Variants in NHLRC2 observed in about 807,000 individuals in gnomAD.
The protein encoded by NHLRC2 is NHL repeat-containing protein 2.
NHLRC2 carries 33 observed loss-of-function variants against 68.1 expected under a neutral mutation model. The ratio of observed to expected loss-of-function variants is 0.48; its 90% CI spans 0.37 to 0.65. The LOEUF is 0.65. Ranked by LOEUF, NHLRC2 falls within the 30% of genes least tolerant of loss-of-function variation. The pLI is 0.00. For missense variants in NHLRC2, 761 were observed against 853.8 expected, an observed-to-expected ratio of 0.89 and a Z score of 1.35; for synonymous variants, 311 against 309.6, an observed-to-expected ratio of 1.00 and a Z score of -0.05.
chr10:113,879,099 A>G (rs1846013056), intron 3 of NHLRC2, among the ~76,000 whole-genome samples: 1 of 152,200 alleles, frequency 6.6e-6, no homozygotes, highest in South Asian at 2.1e-4. Flanking sequence ...AATAGTAGAT[A>G]AGAAGGATTC....
chr10:113,888,473 A>G (rs1180951877), intron 5 of NHLRC2, among the ~76,000 whole-genome samples: 2 of 152,218 alleles, frequency 1.3e-5, no homozygotes, highest in African/African-American at 4.8e-5. Flanking sequence ...GATGTAGGAA[A>G]GGGACTAGAA....
intron 2 of NHLRC2, among the ~76,000 whole-genome samples, chr10:113,873,216 C>T (rs1242491988): frequency 1.3e-5 from 2 of 152,116 alleles, no homozygotes; most frequent in Non-Finnish European, 2.9e-5. Flanking sequence ...TAAAGAAAAA[C>T]AGTTTGAATG....
Position 113,904,854 on chromosome 10 carries a change from G to GC in NHLRC2, c.1745dup (p.Phe583ValfsTer14). 6.2e-7 allele frequency: 1 copy of GC among 1,613,246 alleles called. No individual in the cohort carries two copies. The highest frequency in any genetic ancestry group is 8.5e-7 in the Non-Finnish European group (1 of 1,179,640). ...AGATCTGAAAATGCTGTGGTAGATG[G>GC]CCCGTTCCTAGTAGAAAAACAGAAG... On this transcript the variant is annotated frameshift_variant, in exon 10 of 11. Transcript: ENST00000369301. LOFTEE classifies it high-confidence loss of function.
intron 2 of NHLRC2, among the ~76,000 whole-genome samples, chr10:113,859,591 CAAG>C (rs1223550322): frequency 1.3e-5 from 2 of 152,134 alleles, no homozygotes; most frequent in African/African-American, 4.8e-5. Context: ...AATGATTTAT[CAAG>C]AACTCAAATA....
At chr10:113,871,571 C>T (rs1405269301) in intron 2 of NHLRC2, among the ~76,000 whole-genome samples, 1 of 152,090 alleles carries the variant, frequency 6.6e-6, no homozygotes. Context: ...ACTGGAAATA[C>T]TTCTATTTTA....
At position 113,902,601 on chromosome 10, in the gene NHLRC2, G is replaced by A. The variant is rs145006091; in HGVS notation, c.1494+8G>A. On this transcript the variant is annotated splice_region_variant and intron_variant, in intron 8 of 10. Coordinates refer to ENST00000369301, the MANE Select transcript of NHLRC2 (RefSeq NM_198514.4). The stretch of plus-strand genomic sequence containing the variant: ...GACTCCTACAATCACAAGGTGAGTC[G>A]TGACAGAATTATATAATATCTTGCT... 7.6e-4 allele frequency: 1,217 copies of A among 1,598,164 alleles called. 10 individuals carry two copies. In the African/African-American group the frequency reaches 0.015, roughly 20 times the overall value.
chr10:113,917,069 G>T lies in NHLRC2; in HGVS notation c.*8533G>T, dbSNP rs1846393874. On this transcript the variant is annotated 3_prime_UTR_variant, in exon 11 of 11. Coordinates refer to ENST00000369301, the MANE Select transcript of NHLRC2 (RefSeq NM_198514.4). Reference sequence around the variant, plus strand: ...GCAGTGGCTTCTTTACTAGCAAAGAGAAGTGTAATACAAGTGATCATAGAA... The same window carrying T: ...GCAGTGGCTTCTTTACTAGCAAAGATAAGTGTAATACAAGTGATCATAGAA... The T allele has an allele frequency of 6.6e-6, 1 of 152,226 alleles. No homozygotes were observed. Among genetic ancestry groups the T allele is most frequent in the Non-Finnish European group, 1.5e-5 (1 of 68,030 alleles). 9.4% of individuals were successfully genotyped at this position (152,226 alleles called of 1,614,324 possible).
chr10:113,883,181 T>G (rs1316123876), intron 4 of NHLRC2, among the ~76,000 whole-genome samples: 2 of 151,914 alleles, frequency 1.3e-5, no homozygotes, highest in African/African-American at 4.8e-5. Flanking sequence ...AGGACCAGCT[T>G]GTCCATTTCT....
chr10:113,897,897 A>T (rs1057157759), intron 5 of NHLRC2, among the ~76,000 whole-genome samples: 2 of 152,246 alleles, frequency 1.3e-5, no homozygotes, highest in African/African-American at 2.4e-5. Context: ...GATTCCTGTG[A>T]AATTGTTGTG....
intron 2 of NHLRC2, among the ~76,000 whole-genome samples, chr10:113,874,634 A>AT (rs1404691103): frequency 6.6e-6 from 1 of 151,668 alleles, no homozygotes; most frequent in African/African-American, 2.4e-5. Context: ...TTACTCAGTT[A>AT]TTTTTTTCTG....
intron 5 of NHLRC2, among the ~76,000 whole-genome samples, chr10:113,894,582 G>A (rs1026823923): frequency 2.0e-5 from 3 of 151,672 alleles, no homozygotes; most frequent in Middle Eastern, 3.2e-3. Flanking sequence ...CTTCTTTGTT[G>A]CACAAACTAG....
At chr10:113,879,969 G>A (rs1296969798) in intron 4 of NHLRC2, among the ~76,000 whole-genome samples, 1 of 151,894 alleles carries the variant, frequency 6.6e-6, no homozygotes, top group East Asian at 1.9e-4. Flanking sequence ...TCATTTTGAA[G>A]TATCTTCCTA....
In NHLRC2 at chr10:113,883,119, T is replaced by C. The variant is rs993460929; in HGVS notation, c.910-1132T>C. Among the ~76,000 whole-genome samples the C allele has an allele frequency of 2.6e-5, 4 of 151,892 alleles. 1 individual carries two copies. In the South Asian group the frequency reaches 8.3e-4, roughly 31 times the overall value. On this transcript the variant is annotated intron_variant, in intron 4 of 10. Transcript: ENST00000369301. ...GTATAAGTCCTCCCACTTTCTTCTT[T>C]TTCAAGATTATTTTGGCTATCCTAG...
chr10:113,863,732 A>G lies in NHLRC2; in HGVS notation c.331+5052A>G, dbSNP rs552860377. Among the ~76,000 whole-genome samples the G allele has an allele frequency of 2.2e-4, 33 of 152,278 alleles. No individual in the cohort carries two copies. The South Asian group carries it at 6.6e-3, about 31-fold the overall frequency. On this transcript the variant is annotated intron_variant, in intron 2 of 10. Transcript: ENST00000369301. Reference sequence around the variant, plus strand: ...AATTCCTAGACCTTTAGCTAGCTAGACTAAGAAAAAAGAAGACTCAAATTA... The same window carrying G: ...AATTCCTAGACCTTTAGCTAGCTAGGCTAAGAAAAAAGAAGACTCAAATTA...
chr10:113,885,204 A>G (rs1846070438), intron 5 of NHLRC2, among the ~76,000 whole-genome samples: 1 of 151,806 alleles, frequency 6.6e-6, no homozygotes, highest in African/African-American at 2.4e-5. Flanking sequence ...TGATTCAAAC[A>G]CCCTACTTTT....
chr10:113,884,536 G>GC (rs781489263), intron 5 of NHLRC2, among the ~76,000 whole-genome samples, 156 bp downstream of exon 5: 7 of 151,224 alleles, frequency 4.6e-5, no homozygotes, highest in Non-Finnish European at 7.4e-5. Context: ...TAAAAACAAA[G>GC]CTAGCAGTAA....
intron 1 of NHLRC2, among the ~76,000 whole-genome samples, chr10:113,856,050 C>G (rs1845754196): frequency 6.6e-6 from 1 of 152,154 alleles, no homozygotes; most frequent in South Asian, 2.1e-4. Context: ...AGTCGTGAAA[C>G]TAATACTTTT....
chr10:113,892,735 G>A (rs1266263805), intron 5 of NHLRC2, among the ~76,000 whole-genome samples: 1 of 151,846 alleles, frequency 6.6e-6, no homozygotes, highest in Non-Finnish European at 1.5e-5. Context: ...GTCTAGCACG[G>A]TGGCTGTGAG....
rs956630859 is a variant in NHLRC2, at chr10:113,915,473, GAAT to G, written c.*6942_*6944del. ...TTTAATGTTGAAAACTTCCAAGTGT[GAAT>G]AATACGGACATAGTTTACTACCTTT... is the stretch of plus-strand genomic sequence containing the variant. On this transcript the variant is annotated 3_prime_UTR_variant, in exon 11 of 11. Coordinates refer to ENST00000369301, the MANE Select transcript of NHLRC2 (RefSeq NM_198514.4). The G allele has an allele frequency of 3.0e-6, 1 of 338,058 alleles. No individual in the cohort carries two copies. Among genetic ancestry groups the G allele is most frequent in the African/African-American group, 2.2e-5 (1 of 46,266 alleles). 20.9% of individuals were successfully genotyped at this position (338,058 alleles called of 1,614,324 possible).
Sources: gnomAD v4.1 joint callset for allele counts (sites outside exome capture counted in the v4.1 genomes callset) on GRCh38, gnomAD v4.1.1 for gene constraint, MANE v1.5 for transcripts, NCBI Gene and HGNC (gene_info 2026-07-23, HGNC 2026-07-21) for gene names.